MACF1: variants seen among roughly 807,000 people sequenced by gnomAD.
The protein encoded by MACF1 is microtubule actin crosslinking factor 1.
In MACF1, 193 loss-of-function variants were observed where a neutral mutation model predicts 854.8. That is an observed-to-expected ratio of 0.23 (90% confidence interval 0.20 to 0.25). The LOEUF is 0.25. Ranked by LOEUF, MACF1 falls within the 10% of genes least tolerant of loss-of-function variation. MACF1 has a pLI of 1.00. For missense variants in MACF1, 7,722 were observed against 8,929.1 expected, an observed-to-expected ratio of 0.86 and a Z score of 5.45; for synonymous variants, 3,185 against 3,226.7, an observed-to-expected ratio of 0.99 and a Z score of 0.44.
At position 39,434,463 on chromosome 1, in the gene MACF1, A is replaced by G. The variant is rs1643929967; in HGVS notation, c.17615A>G (p.Asn5872Ser). 2 of 1,613,438 alleles carry G rather than the reference A, an allele frequency of 1.2e-6. No homozygotes were observed. The highest frequency in any genetic ancestry group is 1.3e-5 in the African/African-American group (1 of 74,610). ...IQQYEAISLL[N>S]SERYARLERA... ...CAATATGAAGCCATTAGCCTACTCA[A>G]TTCAGAGCGTTATGCCCGCCTAGAG... is the stretch of plus-strand genomic sequence containing the variant. The change falls in exon 69 of 101, where the codon AAT becomes AGT. Residue 5872 changes from asparagine to serine, a missense_variant. Asn to Ser is a conservative substitution (Grantham distance 46). Transcript: ENST00000564288.
At position 39,292,037 on chromosome 1, in the gene MACF1, A is replaced by T. The variant is rs1178387314; in HGVS notation, c.1913A>T (p.Glu638Val). The change falls in exon 16 of 101, where the codon GAG (glutamate) becomes GTG (valine). Residue 638 changes from glutamate to valine, a missense_variant and splice_region_variant. Transcript: ENST00000564288. ...GSSVKEARLY[E>V]GKMSQNFHTS... ...AGTGTCAAGGAGGCCAGGTTGTATG[A>T]GGTGCGTAGCCTTCAGAATCCACAT... 6.2e-7 allele frequency: 1 copy of T among 1,613,700 alleles called. No homozygotes were observed. Among genetic ancestry groups the T allele is most frequent in the Non-Finnish European group, 8.5e-7 (1 of 1,179,850 alleles).
At position 39,337,469 on chromosome 1, in the gene MACF1, TATGGG is replaced by T. The variant is rs555816564; in HGVS notation, c.10215+144_10215+148del. On this transcript the variant is annotated intron_variant, in intron 38 of 100. Transcript: ENST00000564288. Reference sequence around the variant, plus strand: ...CAATCTCAGACCCTTGTCAGATAATTATGGGATGGGCTACATTTGGATAGACCGGA... The same window carrying T: ...CAATCTCAGACCCTTGTCAGATAATTATGGGCTACATTTGGATAGACCGGA... The T allele has an allele frequency of 1.6e-5, 12 of 762,922 alleles. No individual in the cohort carries two copies. In the Admixed American group the frequency reaches 3.3e-4, roughly 21 times the overall value. 47.3% of individuals were successfully genotyped at this position (762,922 alleles called of 1,614,324 possible). A position where few individuals can be genotyped will look rare whatever the true frequency, so the allele number is the denominator to read the frequency against.
chr1:39,413,889 G>C, intron 58 of MACF1: 1 of 1,604,964 alleles, frequency 6.2e-7, no homozygotes, highest in Non-Finnish European at 8.5e-7. Flanking sequence ...CTGCAGCTAT[G>C]GTGGCCACCC....
At position 39,485,575 on chromosome 1, in the gene MACF1, T is replaced by TGGGAGTCGAGCC. The variant is rs748028144; in HGVS notation, c.22462_22473dup (p.Gly7488_Ala7491dup). 1.5e-5 allele frequency: 24 copies of TGGGAGTCGAGCC among 1,613,846 alleles called. No individual in the cohort carries two copies. Among genetic ancestry groups the TGGGAGTCGAGCC allele is most frequent in the African/African-American group, 9.3e-5 (7 of 74,910 alleles). ...CTGCCAGTCGCCCTGGGAGTCGGGC[T>TGGGAGTCGAGCC]GGGAGTCGAGCCGGGAGTCGAGCCA... On this transcript the variant is annotated inframe_insertion, in exon 101 of 101. Coordinates refer to ENST00000564288, the MANE Select transcript of MACF1 (RefSeq NM_001394062.1).
intron 58 of MACF1, chr1:39,412,158 G>C (rs778880071): frequency 1.1e-5 from 17 of 1,613,862 alleles, no homozygotes; most frequent in Non-Finnish European, 1.4e-5. Context: ...ATGGCAGTTT[G>C]TCCCAGGGAG....
intron 58 of MACF1, among the ~76,000 whole-genome samples, chr1:39,393,188 A>ATATAT (rs1365389099): frequency 1.1e-5 from 1 of 88,224 alleles, no homozygotes; most frequent in African/African-American, 6.3e-5. Flanking sequence ...GGGTAAAAAA[A>ATATAT]AAAAAAAAAT....
chr1:39,352,819 G>C (rs1647231474), intron 43 of MACF1, among the ~76,000 whole-genome samples, 188 bp from the exon 44 acceptor site: 1 of 151,068 alleles, frequency 6.6e-6, no homozygotes, highest in African/African-American at 2.4e-5. Context: ...GAAATGTAGA[G>C]ATATTTTTAA....
At chr1:39,427,903 G>C (rs1212936925) in intron 62 of MACF1, 58 bp from the exon 63 acceptor site, 1 of 1,292,698 alleles carries the variant, frequency 7.7e-7, no homozygotes, top group African/African-American at 1.5e-5. Context: ...TCATCATTTT[G>C]TGTTTACTTT....
chr1:39,331,028 T>C, intron 36 of MACF1, 175 bp from the exon 37 acceptor site: 4 of 856,048 alleles, frequency 4.7e-6, no homozygotes, highest in Non-Finnish European at 6.6e-6. Flanking sequence ...CTCAGACTCC[T>C]GACCTCATGA....
chr1:39,292,758 T>G lies in MACF1; in HGVS notation c.1915-8T>G, dbSNP rs1388294534. 5.6e-6 allele frequency: 9 copies of G among 1,598,328 alleles called. No individual in the cohort carries two copies. The highest frequency in any genetic ancestry group is 5.1e-6 in the Non-Finnish European group (6 of 1,168,762). ...TAATGTATTTTTATTTCATTCTTTT[T>G]TAATCAGGGAAAGATGTCCCAGAAT... On this transcript the variant is annotated splice_polypyrimidine_tract_variant and splice_region_variant and intron_variant, in intron 16 of 100. Coordinates refer to ENST00000564288, the MANE Select transcript of MACF1 (RefSeq NM_001394062.1).
chr1:39,195,056 T>TA (rs1165427374), intron 2 of MACF1, among the ~76,000 whole-genome samples: 3 of 152,224 alleles, frequency 2.0e-5, no homozygotes, highest in Non-Finnish European at 1.5e-5. Context: ...AAGCAAAACT[T>TA]ACACTTGTGT....
Position 39,442,480 on chromosome 1 carries a change from G to T in MACF1, c.19017G>T (p.Trp6339Cys). ...FQHALEELMSWLTHTEELLDA... is the reference protein window; with the variant it reads ...FQHALEELMSCLTHTEELLDA... ...ATGCCTTAGAGGAACTAATGAGTTG[G>T]CTGACTCATACCGAAGAGTTGTTAG... The change falls in exon 77 of 101, where the codon TGG becomes TGT. Residue 6339 changes from tryptophan to cysteine, a missense_variant. Trp to Cys is a radical substitution (Grantham distance 215). This residue lies in a region of MACF1 where 2,807 missense variants were observed against 3,235.8 expected (regional missense o/e 0.87). Coordinates refer to ENST00000564288, the MANE Select transcript of MACF1 (RefSeq NM_001394062.1). 6.2e-7 allele frequency: 1 copy of T among 1,614,196 alleles called. No individual in the cohort carries two copies. The highest frequency in any genetic ancestry group is 8.5e-7 in the Non-Finnish European group (1 of 1,180,032).
chr1:39,444,864 A>G, intron 80 of MACF1, 29 bp downstream of exon 80: 4 of 1,541,150 alleles, frequency 2.6e-6, no homozygotes, highest in Non-Finnish European at 3.5e-6. Flanking sequence ...ATGTTTGAGT[A>G]ATTTGCTGAG....
At chr1:39,245,063 A>G (rs1408561933) in intron 2 of MACF1, among the ~76,000 whole-genome samples, 1 of 152,180 alleles carries the variant, frequency 6.6e-6, no homozygotes, top group East Asian at 1.9e-4. Context: ...ACAAAGATTG[A>G]GAGGCATAAT....
Position 39,460,559 on chromosome 1 carries a change from G to A in MACF1, c.21361-73G>A. ...GCATGGCTTTACTGAATGTCTGAAAGTTTGGGTATGCTCTGGGCAGCTTTT... is the reference window on the plus strand; with the variant it reads ...GCATGGCTTTACTGAATGTCTGAAAATTTGGGTATGCTCTGGGCAGCTTTT... On this transcript the variant is annotated intron_variant, in intron 91 of 100. Transcript: ENST00000564288. This position sits in a 1 kb window ranked among gnomAD's most constrained non-coding sequence, Gnocchi z 4.1. 1.5e-6 allele frequency: 2 copies of A among 1,331,190 alleles called. No homozygotes were observed. Among genetic ancestry groups the A allele is most frequent in the Non-Finnish European group, 2.1e-6 (2 of 933,304 alleles). 82.5% of individuals were successfully genotyped at this position (1,331,190 alleles called of 1,614,324 possible).
At position 39,332,056 on chromosome 1, in the gene MACF1, C is replaced by A. The variant is rs148014652; in HGVS notation, c.5468C>A (p.Thr1823Lys). 3.1e-6 allele frequency: 5 copies of A among 1,613,902 alleles called. No individual in the cohort carries two copies. The highest frequency in any genetic ancestry group is 2.5e-6 in the Non-Finnish European group (3 of 1,180,008). ...IIDTVTGQRL[T>K]IDEAVSNDLV... ...GACACTGTCACGGGGCAAAGGCTAA[C>A]AATAGATGAAGCAGTGAGCAATGAT... Residue 1823 changes from threonine to lysine, a missense_variant, in exon 37 of 101, where the codon ACA becomes AAA. Thr to Lys is a moderately conservative substitution (Grantham distance 78, BLOSUM62 -1). Coordinates refer to ENST00000564288, the MANE Select transcript of MACF1 (RefSeq NM_001394062.1).
At chr1:39,408,613 C>T (rs1642810508) in intron 58 of MACF1, among the ~76,000 whole-genome samples, 1 of 143,452 alleles carries the variant, frequency 7.0e-6, no homozygotes, top group Admixed American at 6.9e-5. Flanking sequence ...GGGCTGGGCT[C>T]GGAGCCGGGC....
At position 39,331,209 on chromosome 1, in the gene MACF1, A is replaced by G. The variant is rs767490556; in HGVS notation, c.4621A>G (p.Arg1541Gly). The part of the protein sequence containing the change: ...LAHQTEQKEC[R>G]AVAGVIDLGT... ...TTTTTTTTTTTTTTTTTAGGAATGC[A>G]GAGCAGTTGCTGGGGTGATTGACCT... The change falls in exon 37 of 101, where the codon AGA becomes GGA. Residue 1541 changes from arginine (R) to glycine (G), a missense_variant. Around this residue, in one of 15 missense-constraint regions of MACF1, gnomAD observed 1,531 missense variants for 1,601.6 expected, o/e 0.96. Coordinates refer to ENST00000564288, the MANE Select transcript of MACF1 (RefSeq NM_001394062.1). 4 of 1,382,490 alleles carry G rather than the reference A, an allele frequency of 2.9e-6. No individual in the cohort carries two copies. In the South Asian group the frequency reaches 4.0e-5, roughly 14 times the overall value. 85.6% of individuals were successfully genotyped at this position (1,382,490 alleles called of 1,614,324 possible).
chr1:39,292,858 A>AT lies in MACF1; in HGVS notation c.1992+17dup, dbSNP rs754004213. 6.3e-7 allele frequency: 1 copy of AT among 1,594,512 alleles called. No individual in the cohort carries two copies. The highest frequency in any genetic ancestry group is 1.3e-5 in the African/African-American group (1 of 74,444). ...GTAAATTGAAGGTGAGTTTCTGCCG[A>AT]TTCTCTTACATTCTGCTCATAGAGT... On this transcript the variant is annotated intron_variant, in intron 17 of 100. Transcript: ENST00000564288.
Sources: gnomAD v4.1 joint callset for allele counts (sites outside exome capture counted in the v4.1 genomes callset) on GRCh38, gnomAD v4.1.1 for gene constraint, gnomAD v4.1.1 regional missense constraint, Gnocchi (gnomAD v3.1) non-coding constraint, MANE v1.5 for transcripts, NCBI Gene and HGNC (gene_info 2026-07-23, HGNC 2026-07-21) for gene names.